PIK3CB: variants seen among roughly 807,000 people sequenced by gnomAD.
PIK3CB encodes the protein phosphatidylinositol 4,5-bisphosphate 3-kinase catalytic subunit beta isoform.
A neutral mutation model predicts 136.8 loss-of-function variants in PIK3CB; 39 were observed. The observed-to-expected ratio is 0.29, with a 90% confidence interval of 0.22 to 0.37. PIK3CB has a LOEUF of 0.37. Among genes scored for constraint, PIK3CB ranks in the 10% least tolerant of loss-of-function variants. The pLI, the probability that PIK3CB is intolerant of heterozygous loss-of-function variation, is 1.00. For missense variants in PIK3CB, 868 were observed against 1,275.4 expected, an observed-to-expected ratio of 0.68 and a Z score of 4.87; for synonymous variants, 428 against 436.6, an observed-to-expected ratio of 0.98 and a Z score of 0.25.
chr3:138,786,408 TATA>T (rs1196037370), intron 2 of PIK3CB, among the ~76,000 whole-genome samples: 2 of 152,074 alleles, frequency 1.3e-5, no homozygotes, highest in South Asian at 2.1e-4. Context: ...CAGGCTGGAG[TATA>T]ATGACGCGAT....
chr3:138,740,779 G>T (rs1239394966), intron 5 of PIK3CB, among the ~76,000 whole-genome samples: 1 of 151,762 alleles, frequency 6.6e-6, no homozygotes, highest in African/African-American at 2.4e-5. Context: ...CATCCTCCTG[G>T]GTAGCTGGGA....
At chr3:138,766,954 A>G (rs184447119) in intron 2 of PIK3CB, among the ~76,000 whole-genome samples, 34 of 152,310 alleles carry the variant, frequency 2.2e-4, no homozygotes, top group African/African-American at 6.7e-4. Flanking sequence ...TAAGCTAAAT[A>G]TTCTCCAGAA....
In PIK3CB at chr3:138,793,006, T is replaced by C. The variant is rs115505740; in HGVS notation, c.-17+3457A>G. Among the ~76,000 whole-genome samples the C allele has an allele frequency of 8.6e-3, 1,306 of 152,292 alleles. 26 individuals carry two copies. Among genetic ancestry groups the C allele is most frequent in the African/African-American group, 0.028 (1,183 of 41,566 alleles). ...AGGGATTGAGGTTATCTATTCGGCA[T>C]ATAGTTAATTAGTGGTGAGGTTGGG... On this transcript the variant is annotated intron_variant, in intron 2 of 23. Coordinates refer to ENST00000674063, the MANE Select transcript of PIK3CB (RefSeq NM_006219.3).
intron 2 of PIK3CB, among the ~76,000 whole-genome samples, chr3:138,766,168 T>G (rs1283015631): frequency 6.6e-6 from 1 of 152,204 alleles, no homozygotes; most frequent in African/African-American, 2.4e-5. Context: ...TAGGTGTTTC[T>G]GAAAATGATG....
At chr3:138,659,468 G>T (rs943822986) in intron 21 of PIK3CB, among the ~76,000 whole-genome samples, 1 of 151,446 alleles carries the variant, frequency 6.6e-6, no homozygotes, top group Non-Finnish European at 1.5e-5. Context: ...AGTGAGCCGG[G>T]ATCACGCCAC....
At chr3:138,773,356 A>G (rs2045822108) in intron 2 of PIK3CB, among the ~76,000 whole-genome samples, 1 of 151,886 alleles carries the variant, frequency 6.6e-6, no homozygotes, top group African/African-American at 2.4e-5. Context: ...ACGCCACTAC[A>G]CTCCAGCCTG....
chr3:138,776,350 G>A (rs1056807482), intron 2 of PIK3CB, among the ~76,000 whole-genome samples: 1 of 152,030 alleles, frequency 6.6e-6, no homozygotes, highest in Non-Finnish European at 1.5e-5. Context: ...ATACTCTCAA[G>A]GGATTAAAAA....
Position 138,707,254 on chromosome 3 carries a change from C to T in PIK3CB, c.1435G>A (p.Val479Ile), listed in dbSNP as rs1014164283. 1 of 1,611,280 alleles carries T rather than the reference C, an allele frequency of 6.2e-7. No homozygotes were observed. Among genetic ancestry groups the T allele is most frequent in the Non-Finnish European group, 8.5e-7 (1 of 1,178,376 alleles). ...TTTTCAGTATATGGATTTGTTTGAA[C>T]AGTTCCCATTGGATTCAACATTTCT... ...LEEMLNPMGT[V>I]QTNPYTENAT... Residue 479 changes from valine (V) to isoleucine (I), a missense_variant, in exon 11 of 24, where the codon GTT (valine) becomes ATT (isoleucine). Transcript: ENST00000674063.
chr3:138,794,628 AT>A (rs2046088793), intron 2 of PIK3CB, among the ~76,000 whole-genome samples: 2 of 152,168 alleles, frequency 1.3e-5, no homozygotes, highest in Admixed American at 1.3e-4. Context: ...TTTACCGAGC[AT>A]TTACTAATAT....
At chr3:138,712,184 T>C in intron 10 of PIK3CB, 24 bp downstream of exon 10, 2 of 1,200,786 alleles carry the variant, frequency 1.7e-6, no homozygotes, top group Non-Finnish European at 2.4e-6. Context: ...GCTTTAACAC[T>C]AAGGATAAGA....
chr3:138,788,523 G>A (rs1003438581), intron 2 of PIK3CB, among the ~76,000 whole-genome samples: 1 of 150,514 alleles, frequency 6.6e-6, no homozygotes, highest in Non-Finnish European at 1.5e-5. Context: ...CAGGCCTGGT[G>A]GCATGCGCCT....
chr3:138,716,305 CT>C (rs2044605405), intron 8 of PIK3CB, among the ~76,000 whole-genome samples: 1 of 152,174 alleles, frequency 6.6e-6, no homozygotes, highest in Non-Finnish European at 1.5e-5. Flanking sequence ...GATGTTACTC[CT>C]TTGCTCCTCT....
chr3:138,761,583 AATATGG>A (rs1177903259), intron 2 of PIK3CB, among the ~76,000 whole-genome samples: 3 of 152,162 alleles, frequency 2.0e-5, no homozygotes, highest in Admixed American at 2.0e-4. Flanking sequence ...CAGCCTGGCC[AATATGG>A]TGAAACCCCA....
intron 4 of PIK3CB, among the ~76,000 whole-genome samples, 182 bp downstream of exon 4, chr3:138,755,572 G>A (rs114503752): frequency 0.015 from 2,305 of 152,156 alleles, 24 homozygotes; most frequent in Non-Finnish European, 0.022. Flanking sequence ...TATTGCTAAA[G>A]GGGTTTCTAA....
At chr3:138,703,948 A>G (rs533513016) in intron 12 of PIK3CB, among the ~76,000 whole-genome samples, 167 of 152,300 alleles carry the variant, frequency 1.1e-3, no homozygotes, top group African/African-American at 3.6e-3. Context: ...GACCACTACT[A>G]TTGTTTTTCC....
At chr3:138,717,780 A>G (rs2044643747) in intron 8 of PIK3CB, among the ~76,000 whole-genome samples, 1 of 152,220 alleles carries the variant, frequency 6.6e-6, no homozygotes, top group Admixed American at 6.5e-5. Context: ...AAGTGAGAAC[A>G]TGCGGCATTT....
intron 8 of PIK3CB, among the ~76,000 whole-genome samples, chr3:138,722,311 TAAAAC>T (rs1427113112): frequency 6.6e-6 from 1 of 151,326 alleles, no homozygotes; most frequent in Non-Finnish European, 1.5e-5. Context: ...AAATCATAAA[TAAAAC>T]AAAACATACA....
chr3:138,829,680 C>G (rs1344128916), intron 1 of PIK3CB, among the ~76,000 whole-genome samples: 2 of 151,946 alleles, frequency 1.3e-5, no homozygotes, highest in East Asian at 3.9e-4. Flanking sequence ...CCAGCTACTT[C>G]GGAGGCTAAA....
intron 21 of PIK3CB, among the ~76,000 whole-genome samples, chr3:138,661,328 A>G (rs1159763584): frequency 6.6e-6 from 1 of 152,142 alleles, no homozygotes; most frequent in Non-Finnish European, 1.5e-5. Context: ...CCCTCCTTGA[A>G]CAGTATACAT....
Sources: allele counts gnomAD v4.1 joint callset (sites outside exome capture counted in the v4.1 genomes callset), GRCh38; gene constraint gnomAD v4.1.1; transcripts MANE v1.5; gene names NCBI Gene and HGNC (gene_info 2026-07-23, HGNC 2026-07-21).